The following GREB1L variants were observed in gnomAD, a reference collection of about 807,000 sequenced individuals.
GREB1L encodes GREB1-like protein.
GREB1L carries 17 observed loss-of-function variants against 200.8 expected under a neutral mutation model. That is an observed-to-expected ratio of 0.08 (90% CI 0.06 to 0.13). GREB1L has a LOEUF of 0.13. Among genes scored for constraint, GREB1L ranks in the 10% least tolerant of loss-of-function variants. The pLI is 1.00. For missense variants in GREB1L, 1,657 were observed against 2,367.7 expected, an observed-to-expected ratio of 0.70 and a Z score of 6.23; for synonymous variants, 789 against 893.0, an observed-to-expected ratio of 0.88 and a Z score of 2.08.
At chr18:21,323,590 A>G (rs1440034365) in intron 1 of GREB1L, among the ~76,000 whole-genome samples, 1 of 152,020 alleles carries the variant, frequency 6.6e-6, no homozygotes, top group Admixed American at 6.6e-5. Flanking sequence ...TAAATAATCA[A>G]ACTTCTAAGA....
intron 7 of GREB1L, among the ~76,000 whole-genome samples, chr18:21,430,813 C>T (rs2033089021): frequency 6.6e-6 from 1 of 150,734 alleles, no homozygotes; most frequent in Admixed American, 6.6e-5. Context: ...TCAGGCTGGT[C>T]TCAAACTCCG....
intron 1 of GREB1L, among the ~76,000 whole-genome samples, chr18:21,345,966 T>TAG (rs1337540701): frequency 1.3e-5 from 2 of 151,800 alleles, no homozygotes; most frequent in Non-Finnish European, 1.5e-5. Flanking sequence ...TAAGACCGAA[T>TAG]AGAGCAGAGA....
intron 17 of GREB1L, among the ~76,000 whole-genome samples, chr18:21,478,922 C>T (rs983360704): frequency 3.9e-5 from 6 of 152,146 alleles, no homozygotes; most frequent in Admixed American, 3.9e-4. Context: ...CGCTCTGTCA[C>T]CCAGGCTGGA....
intron 6 of GREB1L, among the ~76,000 whole-genome samples, chr18:21,403,500 T>A (rs2041402024): frequency 6.6e-6 from 1 of 152,206 alleles, no homozygotes; most frequent in African/African-American, 2.4e-5. Flanking sequence ...TTTAAACCAA[T>A]CCCAGGTAGG....
At position 21,449,740 on chromosome 18, in the gene GREB1L, C is replaced by T. The variant is rs575854487; in HGVS notation, c.1624C>T (p.Leu542Phe). Residue 542 changes from leucine to phenylalanine, a missense_variant, in exon 12 of 33, where the codon CTC becomes TTC. Leu to Phe is a conservative substitution (Grantham distance 22, BLOSUM62 0). Transcript: ENST00000424526. ...AEGISETLRT[L>F]SEMRHYQRLP... ...GGGCATTTCAGAGACCTTAAGGACT[C>T]TCAGTGAAATGAGACACTATCAAAG... 4.5e-6 allele frequency: 7 copies of T among 1,551,514 alleles called. No individual in the cohort carries two copies. The Admixed American group carries it at 1.4e-4, about 30-fold the overall frequency.
At chr18:21,304,472 C>T (rs1357347835) in intron 1 of GREB1L, among the ~76,000 whole-genome samples, 1 of 151,992 alleles carries the variant, frequency 6.6e-6, no homozygotes, top group Non-Finnish European at 1.5e-5. Context: ...ACAGTCCCCA[C>T]CTTTCTCAAG....
chr18:21,289,547 C>CA (rs911260529), intron 1 of GREB1L, among the ~76,000 whole-genome samples: 85 of 147,108 alleles, frequency 5.8e-4, no homozygotes, highest in African/African-American at 1.6e-3. Context: ...TCCCCCCCCG[C>CA]AAAAAAAAGG....
chr18:21,403,746 CTAAT>C (rs2041413236), intron 6 of GREB1L, 122 bp from the exon 7 acceptor site: 2 of 696,042 alleles, frequency 2.9e-6, no homozygotes, highest in Non-Finnish European at 4.8e-6. Flanking sequence ...AAGGTGATCT[CTAAT>C]TAAAGTGGCT....
chr18:21,375,085 A>G (rs1186815220), intron 2 of GREB1L, among the ~76,000 whole-genome samples: 2 of 145,938 alleles, frequency 1.4e-5, no homozygotes, highest in Non-Finnish European at 1.5e-5. Flanking sequence ...TTTTTTTGAG[A>G]TGGAGTCTCA....
At chr18:21,383,152 G>T (rs2040394080) in intron 2 of GREB1L, among the ~76,000 whole-genome samples, 1 of 152,082 alleles carries the variant, frequency 6.6e-6, no homozygotes, top group Non-Finnish European at 1.5e-5. Context: ...GGGAGTTATA[G>T]TAGCCTCCTA....
At chr18:21,522,035 C>T (rs1243615913) in intron 32 of GREB1L, among the ~76,000 whole-genome samples, 2 of 131,048 alleles carry the variant, frequency 1.5e-5, no homozygotes, top group African/African-American at 5.9e-5. Flanking sequence ...ACAGAATAGC[C>T]CCCACAACAA....
At chr18:21,278,380 C>CAAAA (rs550496435) in intron 1 of GREB1L, among the ~76,000 whole-genome samples, 19,640 of 104,344 alleles carry the variant, frequency 0.19, 1,961 homozygotes, top group South Asian at 0.24. Context: ...GACTCCATCT[C>CAAAA]AAAAAAAAAA....
chr18:21,322,555 C>A (rs2038966009), intron 1 of GREB1L, among the ~76,000 whole-genome samples: 1 of 151,894 alleles, frequency 6.6e-6, no homozygotes, highest in Non-Finnish European at 1.5e-5. Flanking sequence ...TAAAGTGAAC[C>A]AGAAAAATTG....
intron 29 of GREB1L, 103 bp from the exon 30 acceptor site, chr18:21,516,497 GCATGGTTGATTAT>G: frequency 9.7e-7 from 1 of 1,026,132 alleles, no homozygotes; most frequent in Non-Finnish European, 1.4e-6. Context: ...CTCCACAAAA[GCATGGTTGATTAT>G]TTTAGGCTCC....
At chr18:21,342,076 C>T (rs1401481983) in intron 1 of GREB1L, among the ~76,000 whole-genome samples, 1 of 152,002 alleles carries the variant, frequency 6.6e-6, no homozygotes, top group African/African-American at 2.4e-5. Flanking sequence ...TTAGGATTAG[C>T]ATTTAAATTA....
At chr18:21,410,263 G>T (rs1567987041) in intron 7 of GREB1L, among the ~76,000 whole-genome samples, 1 of 151,990 alleles carries the variant, frequency 6.6e-6, no homozygotes, top group Non-Finnish European at 1.5e-5. Context: ...ATTTTCTTGG[G>T]CCCTAGATAT....
At chr18:21,283,104 CACTTAA>C (rs1192389976) in intron 1 of GREB1L, among the ~76,000 whole-genome samples, 2 of 152,154 alleles carry the variant, frequency 1.3e-5, no homozygotes, top group Admixed American at 6.5e-5. Flanking sequence ...GTCTCCACTT[CACTTAA>C]ACTTAATCAT....
At chr18:21,441,169 A>C (rs2145258688) in intron 9 of GREB1L, among the ~76,000 whole-genome samples, 1 of 152,340 alleles carries the variant, frequency 6.6e-6, no homozygotes, top group Admixed American at 6.5e-5. Context: ...CTGGAAGGAA[A>C]ATCAGCAAAA....
At chr18:21,301,048 T>C (rs1055583354) in intron 1 of GREB1L, among the ~76,000 whole-genome samples, 1 of 152,218 alleles carries the variant, frequency 6.6e-6, no homozygotes, top group Admixed American at 6.5e-5. Flanking sequence ...AGTAGCATGA[T>C]GCTTTCTGTG....
Sources: gnomAD v4.1 joint callset for allele counts (sites outside exome capture counted in the v4.1 genomes callset) on GRCh38, gnomAD v4.1.1 for gene constraint, MANE v1.5 for transcripts, NCBI Gene and HGNC (gene_info 2026-07-23, HGNC 2026-07-21) for gene names.